Variants in BTN2A2 observed in about 807,000 individuals in gnomAD.
BTN2A2 encodes the protein butyrophilin 2.
In BTN2A2, 29 loss-of-function variants were observed where a neutral mutation model predicts 34.7. The observed-to-expected ratio is 0.84, with a 90% CI of 0.62 to 1.14. The LOEUF is 1.14. Ranked by LOEUF, BTN2A2 falls within the 50% of genes most tolerant of loss-of-function variation. BTN2A2 has a pLI of 0.00. For missense variants in BTN2A2, 612 were observed against 651.5 expected, an observed-to-expected ratio of 0.94 and a Z score of 0.66; for synonymous variants, 240 against 253.1, an observed-to-expected ratio of 0.95 and a Z score of 0.49.
Position 26,390,175 on chromosome 6 carries a change from G to A in BTN2A2, c.895G>A (p.Glu299Lys), listed in dbSNP as rs767303439. The A allele has an allele frequency of 3.1e-6, 5 of 1,614,184 alleles. No individual in the cohort carries two copies. Among genetic ancestry groups the A allele is most frequent in the Non-Finnish European group, 4.2e-6 (5 of 1,180,016 alleles). Residue 299 changes from glutamate to lysine, a missense_variant, in exon 5 of 8, where the codon GAA becomes AAA. Physicochemically the swap from Glu to Lys is moderately conservative, Grantham distance 56. Transcript: ENST00000356709. The stretch of plus-strand genomic sequence containing the variant: ...AAGGGAAAAAAAGATTCTGTCAGGG[G>A]AAAAGAAAGTTGAACAAGAGGAAAA... ...LQREKKILSG[E>K]KKVEQEEKEI...
intron 7 of BTN2A2, 174 bp from the exon 8 acceptor site, chr6:26,392,201 T>A (rs1456343593): frequency 1.5e-5 from 23 of 1,536,990 alleles, no homozygotes; most frequent in Non-Finnish European, 1.9e-5. Context: ...GAGATAGAAG[T>A]GCAGCTTCCG....
At chr6:26,391,020 T>C in intron 7 of BTN2A2, 191 bp downstream of exon 7, 1 of 778,544 alleles carries the variant, frequency 1.3e-6, no homozygotes, top group South Asian at 1.6e-5. Context: ...CAGCTCTTAA[T>C]GAACCCTGCA....
intron 3 of BTN2A2, among the ~76,000 whole-genome samples, chr6:26,386,359 G>GA (rs34395343): frequency 0.23 from 35,200 of 152,014 alleles, 6,220 homozygotes; most frequent in African/African-American, 0.5. Context: ...TTTCAGGACT[G>GA]AAAAAAGCCT....
In BTN2A2 at chr6:26,388,142, C is replaced by A; in HGVS notation, c.572C>A (p.Pro191His). 1 of 1,614,152 alleles carries A rather than the reference C, an allele frequency of 6.2e-7. No individual in the cohort carries two copies. The highest frequency in any genetic ancestry group is 1.1e-5 in the South Asian group (1 of 91,082). ...VWRDPYGEVV[P>H]ALKEVSIADA... ...AGGGACCCCTACGGTGAGGTTGTGCCCGCCCTGAAGGAGGTTTCCATCGCT... is the reference window on the plus strand; with the variant it reads ...AGGGACCCCTACGGTGAGGTTGTGCACGCCCTGAAGGAGGTTTCCATCGCT... Residue 191 changes from proline (P) to histidine (H), a missense_variant, in exon 4 of 8, where the codon CCC becomes CAC. By Grantham distance (77) the Pro-to-His change is moderately conservative (BLOSUM62 -2). Transcript: ENST00000356709.
intron 3 of BTN2A2, among the ~76,000 whole-genome samples, chr6:26,387,626 G>A (rs1173582143): frequency 4.0e-5 from 6 of 151,736 alleles, no homozygotes; most frequent in Non-Finnish European, 7.4e-5. Flanking sequence ...ATAGGTTTCT[G>A]TCATTAGTGT....
At position 26,388,069 on chromosome 6, in the gene BTN2A2, C is replaced by T; in HGVS notation, c.499C>T (p.Leu167=). 1 of 1,614,096 alleles carries T rather than the reference C, an allele frequency of 6.2e-7. No individual in the cohort carries two copies. Among genetic ancestry groups the T allele is most frequent in the Non-Finnish European group, 8.5e-7 (1 of 1,180,014 alleles). ...GGCCCAAGAGGATGGGAGCATCTGG[C>T]TGGAGTGCATATCTGGAGGGTGGTA... ...IKAQEDGSIW[L]ECISGGWYPE... Residue 167 remains leucine, a synonymous_variant, in exon 4 of 8, where the codon CTG becomes TTG. Transcript: ENST00000356709.
rs1308434517 is a variant in BTN2A2 at position 26,384,225 on chromosome 6, C to G, written c.94+310C>G. Among the ~76,000 whole-genome samples the G allele has an allele frequency of 6.6e-6, 1 of 152,178 alleles. No individual in the cohort carries two copies. The highest frequency in any genetic ancestry group is 1.5e-5 in the Non-Finnish European group (1 of 68,040). On this transcript the variant is annotated intron_variant, in intron 2 of 7. Coordinates refer to ENST00000356709, the MANE Select transcript of BTN2A2 (RefSeq NM_006995.5). This position sits in a 1 kb window ranked among gnomAD's most constrained non-coding sequence, Gnocchi z 4.0. ...AGATGGAGAATGAGATCATAACTCA[C>G]TGTAACCTGAAACTCCTGGGCTCAA...
rs969137801 is a variant in BTN2A2, at chr6:26,384,602, A to G, written c.95-413A>G. Among the ~76,000 whole-genome samples, 1 of 152,240 alleles carries G rather than the reference A, an allele frequency of 6.6e-6. No homozygotes were observed. The highest frequency in any genetic ancestry group is 2.4e-5 in the African/African-American group (1 of 41,456). ...CATTTTGAAATTTTAAATCTTTATA[A>G]TCTGTGTGTGTTTTACACTTAGAGT... is the stretch of plus-strand genomic sequence containing the variant. On this transcript the variant is annotated intron_variant, in intron 2 of 7. Coordinates refer to ENST00000356709, the MANE Select transcript of BTN2A2 (RefSeq NM_006995.5). The surrounding 1 kb of genome is among the most constrained non-coding windows in gnomAD (Gnocchi z 4.0).
Position 26,390,095 on chromosome 6 carries a change from T to A in BTN2A2, c.815T>A (p.Leu272Gln). 6.2e-7 allele frequency: 1 copy of A among 1,614,240 alleles called. No homozygotes were observed. The highest frequency in any genetic ancestry group is 1.3e-5 in the African/African-American group (1 of 75,058). The change falls in exon 5 of 8, where the codon CTG (leucine) becomes CAG (glutamine). Residue 272 changes from leucine to glutamine, a missense_variant. Leu to Gln is a moderately radical substitution (Grantham distance 113). Coordinates refer to ENST00000356709, the MANE Select transcript of BTN2A2 (RefSeq NM_006995.5). The part of the protein sequence containing the change: ...SPWMVSMTVI[L>Q]AVFIIFMAVS... Reference sequence around the variant, plus strand: ...TGGATGGTGTCCATGACTGTCATCCTGGCTGTTTTCATCATCTTCATGGCT... The same window carrying A: ...TGGATGGTGTCCATGACTGTCATCCAGGCTGTTTTCATCATCTTCATGGCT...
chr6:26,386,895 T>C (rs1171385233), intron 3 of BTN2A2, among the ~76,000 whole-genome samples: 1 of 152,240 alleles, frequency 6.6e-6, no homozygotes, highest in Non-Finnish European at 1.5e-5. Context: ...ACAACTAGCT[T>C]TTTTCTCCTG....
Position 26,390,796 on chromosome 6 carries a change from C to G in BTN2A2, c.953-7C>G. ...TCGTGACATTCACCTCTGTCTGTCC[C>G]TTGCAGGATGGAGAAGAACATTCTT... is the stretch of plus-strand genomic sequence containing the variant. On this transcript the variant is annotated splice_region_variant and splice_polypyrimidine_tract_variant and intron_variant, in intron 6 of 7. Transcript: ENST00000356709. The G allele has an allele frequency of 6.2e-7, 1 of 1,614,220 alleles. No individual in the cohort carries two copies. Among genetic ancestry groups the G allele is most frequent in the Admixed American group, 1.7e-5 (1 of 60,034 alleles).
chr6:26,388,890 G>C (rs1761390187), intron 4 of BTN2A2, among the ~76,000 whole-genome samples: 1 of 152,190 alleles, frequency 6.6e-6, no homozygotes. Context: ...GGGAGGCCAA[G>C]GTGGTTGGAT....
In BTN2A2 at chr6:26,385,116, A is replaced by G; in HGVS notation, c.196A>G (p.Met66Val). 2 of 1,613,940 alleles carry G rather than the reference A, an allele frequency of 1.2e-6. No homozygotes were observed. The highest frequency in any genetic ancestry group is 1.7e-6 in the Non-Finnish European group (2 of 1,179,960). The part of the protein sequence containing the change: ...HLSPEKNAED[M>V]EVRWFRSQFS... Reference sequence around the variant, plus strand: ...GTCACCCGAGAAAAATGCTGAGGACATGGAGGTGCGGTGGTTCCGGTCTCA... The same window carrying G: ...GTCACCCGAGAAAAATGCTGAGGACGTGGAGGTGCGGTGGTTCCGGTCTCA... Residue 66 changes from methionine to valine, a missense_variant, in exon 3 of 8, where the codon ATG becomes GTG. Transcript: ENST00000356709.
At chr6:26,390,904 T>A in intron 7 of BTN2A2, 75 bp downstream of exon 7, 2 of 1,609,606 alleles carry the variant, frequency 1.2e-6, no homozygotes, top group Non-Finnish European at 1.7e-6. Context: ...TTAGAGGAGA[T>A]GAGCAAGGGG....
At chr6:26,387,974 A>T in intron 3 of BTN2A2, 39 bp from the exon 4 acceptor site, 7 of 1,579,864 alleles carry the variant, frequency 4.4e-6, no homozygotes, top group Non-Finnish European at 4.3e-6. Context: ...GGGCTAAGAT[A>T]CCACTGCCTT....
intron 3 of BTN2A2, among the ~76,000 whole-genome samples, chr6:26,385,875 C>T (rs1261350172): frequency 6.6e-6 from 1 of 152,170 alleles, no homozygotes; most frequent in African/African-American, 2.4e-5. Flanking sequence ...CAGAAGCACA[C>T]GCATTCCTCA....
In BTN2A2 at chr6:26,393,528, C is replaced by T. The variant is rs1186193394; in HGVS notation, c.*561C>T. On this transcript the variant is annotated 3_prime_UTR_variant, in exon 8 of 8. Coordinates refer to ENST00000356709, the MANE Select transcript of BTN2A2 (RefSeq NM_006995.5). ...GTCCTGGGAGATGATGGCTCATTTC[C>T]ACCCAACCCCAGGATTTCCACAGCA... 3.8e-5 allele frequency: 39 copies of T among 1,015,372 alleles called. No individual in the cohort carries two copies. Among genetic ancestry groups the T allele is most frequent in the South Asian group, 2.8e-4 (7 of 24,750 alleles). The allele number at this position is 1,015,372 out of a possible 1,614,324, so 62.9% of individuals were successfully genotyped here.
rs774921210 is a variant in BTN2A2 at position 26,390,081 on chromosome 6, C to T, written c.801C>T (p.Ser267=). ...TGACCGCATCTCCCTGGATGGTGTC[C>T]ATGACTGTCATCCTGGCTGTTTTCA... ...VILTASPWMV[S]MTVILAVFII... is the part of the protein sequence containing the mutation. Residue 267 remains serine (S), a synonymous_variant, in exon 5 of 8, where the codon TCC becomes TCT. Coordinates refer to ENST00000356709, the MANE Select transcript of BTN2A2 (RefSeq NM_006995.5). 1.5e-5 allele frequency: 24 copies of T among 1,614,036 alleles called. No individual in the cohort carries two copies. The South Asian group carries it at 2.5e-4, about 17-fold the overall frequency.
intron 3 of BTN2A2, chr6:26,385,627 T>G (rs1392248181): frequency 1.1e-5 from 4 of 356,358 alleles, no homozygotes; most frequent in African/African-American, 8.4e-5. Flanking sequence ...CTTGGCTCAC[T>G]GCAACCTCTG....
Sources: allele counts gnomAD v4.1 joint callset (sites outside exome capture counted in the v4.1 genomes callset), GRCh38; gene constraint gnomAD v4.1.1; non-coding constraint Gnocchi (gnomAD v3.1); transcripts MANE v1.5; gene names NCBI Gene and HGNC (gene_info 2026-07-23, HGNC 2026-07-21).